PCLO: variants seen among roughly 807,000 people sequenced by gnomAD.
The protein encoded by PCLO is protein piccolo.
A neutral mutation model predicts 427.5 loss-of-function variants in PCLO; 82 were observed. The observed-to-expected ratio is 0.19, with a 90% confidence interval of 0.16 to 0.23. The LOEUF (loss-of-function observed/expected upper bound fraction) is 0.23, where lower values mean the gene tolerates loss of function less well. PCLO is among the 10% of genes least tolerant of loss of function. PCLO has a pLI of 1.00. For missense variants in PCLO, 6,239 were observed against 6,115.9 expected (o/e 1.02, Z -0.67); for synonymous variants, 2,357 against 2,155.4 (o/e 1.09, Z -2.59).
At chr7:83,087,436 G>A (rs1311815379) in intron 3 of PCLO, among the ~76,000 whole-genome samples, 5 of 151,254 alleles carry the variant, frequency 3.3e-5, no homozygotes, top group African/African-American at 9.7e-5. Context: ...AAAACCACTT[G>A]TACCCCAAAA....
intron 9 of PCLO, among the ~76,000 whole-genome samples, chr7:82,881,897 C>T (rs1180754170): frequency 6.6e-6 from 1 of 152,054 alleles, no homozygotes; most frequent in African/African-American, 2.4e-5. Flanking sequence ...TTTGCCTCAG[C>T]CTTCCAAAAG....
At chr7:83,010,240 C>T (rs993470640) in intron 3 of PCLO, among the ~76,000 whole-genome samples, 1 of 151,942 alleles carries the variant, frequency 6.6e-6, no homozygotes, top group Non-Finnish European at 1.5e-5. Flanking sequence ...ATAGCTTTGG[C>T]TCGAAATTCA....
chr7:82,835,593 T>C (rs1390303418), intron 16 of PCLO, 74 bp downstream of exon 16: 7 of 1,127,784 alleles, frequency 6.2e-6, no homozygotes, highest in Non-Finnish European at 6.6e-6. Context: ...TGCCAGTGAA[T>C]GTACATAAAA....
At chr7:82,838,412 A>G in intron 14 of PCLO, 70 bp from the exon 15 acceptor site, 1 of 902,542 alleles carries the variant, frequency 1.1e-6, no homozygotes, top group Non-Finnish European at 1.6e-6. Flanking sequence ...AATATTTACT[A>G]GTTTTTTTTA....
At position 83,008,852 on chromosome 7, in the gene PCLO, T is replaced by C. The variant is rs115643834; in HGVS notation, c.3301-42365A>G. Among the ~76,000 whole-genome samples, 731 of 151,720 alleles carry C rather than the reference T, an allele frequency of 4.8e-3. 5 individuals are homozygous for C. The highest frequency in any genetic ancestry group is 0.017 in the African/African-American group (704 of 41,488). On this transcript the variant is annotated intron_variant, in intron 3 of 24. Coordinates refer to ENST00000333891, the MANE Select transcript of PCLO (RefSeq NM_033026.6). ...GATATATATCATTATGTATGTATAATGATACATTATAAATATATATGTTTA... is the reference window on the plus strand; with the variant it reads ...GATATATATCATTATGTATGTATAACGATACATTATAAATATATATGTTTA...
chr7:82,992,958 T>C (rs1796411494), intron 3 of PCLO, among the ~76,000 whole-genome samples: 1 of 152,076 alleles, frequency 6.6e-6, no homozygotes, highest in Admixed American at 6.6e-5. Context: ...AATGATTAAA[T>C]ATATCTAAAG....
At chr7:82,895,609 A>C (rs2116150948) in intron 9 of PCLO, among the ~76,000 whole-genome samples, 1 of 152,108 alleles carries the variant, frequency 6.6e-6, no homozygotes, top group East Asian at 1.9e-4. Flanking sequence ...AAGACACTAT[A>C]ATAAAAATTA....
chr7:82,919,195 C>A (rs891170317), intron 6 of PCLO, among the ~76,000 whole-genome samples: 1 of 151,858 alleles, frequency 6.6e-6, no homozygotes, highest in African/African-American at 2.4e-5. Context: ...AAGTAACAAA[C>A]CTGCACATTC....
At chr7:83,112,251 T>G (rs1408919417) in intron 3 of PCLO, among the ~76,000 whole-genome samples, 1 of 151,978 alleles carries the variant, frequency 6.6e-6, no homozygotes, top group Non-Finnish European at 1.5e-5. Context: ...AGAGATAGGG[T>G]TTCTCCATGT....
intron 17 of PCLO, among the ~76,000 whole-genome samples, chr7:82,827,041 C>A (rs1791962590): frequency 6.6e-6 from 1 of 151,942 alleles, no homozygotes; most frequent in African/African-American, 2.4e-5. Context: ...AATGTTTCAG[C>A]AATTTCCAAA....
In PCLO at chr7:83,052,527, A is replaced by G. The variant is rs149649877; in HGVS notation, c.3300+81723T>C. Among the ~76,000 whole-genome samples, 401 of 152,138 alleles carry G rather than the reference A, an allele frequency of 2.6e-3. 2 individuals carry two copies. Among genetic ancestry groups the G allele is most frequent in the African/African-American group, 9.3e-3 (387 of 41,556 alleles). Reference sequence around the variant, plus strand: ...ATTGGATAATATTGATATTTATATGAGATAATGCTTATCATGTGTTGAGCA... The same window carrying G: ...ATTGGATAATATTGATATTTATATGGGATAATGCTTATCATGTGTTGAGCA... On this transcript the variant is annotated intron_variant, in intron 3 of 24. Coordinates refer to ENST00000333891, the MANE Select transcript of PCLO (RefSeq NM_033026.6).
At position 82,974,194 on chromosome 7, in the gene PCLO, C is replaced by G. The variant is rs138652085; in HGVS notation, c.3301-7707G>C. On this transcript the variant is annotated intron_variant, in intron 3 of 24. Transcript: ENST00000333891. ...TTGAGGTCAGGAGTTTGAGACCAGC[C>G]TGGCCAAAATGGTGAAACCCCATTT... 7.9e-5 allele frequency among the ~76,000 whole-genome samples: 12 copies of G among 152,188 alleles called. No individual in the cohort carries two copies. The East Asian group carries it at 2.3e-3, about 29-fold the overall frequency.
chr7:82,936,926 G>C (rs1794968887), intron 6 of PCLO, among the ~76,000 whole-genome samples: 1 of 151,648 alleles, frequency 6.6e-6, no homozygotes, highest in African/African-American at 2.4e-5. Flanking sequence ...GAATCCATTT[G>C]TATTTATCTA....
At chr7:82,768,473 T>C (rs992172243) in intron 22 of PCLO, among the ~76,000 whole-genome samples, 6 of 152,230 alleles carry the variant, frequency 3.9e-5, no homozygotes, top group African/African-American at 1.4e-4. Flanking sequence ...CTCAATATTT[T>C]AAATTTTGTC....
intron 2 of PCLO, among the ~76,000 whole-genome samples, chr7:83,148,666 T>C (rs1421227023): frequency 6.6e-6 from 1 of 152,178 alleles, no homozygotes; most frequent in Non-Finnish European, 1.5e-5. Context: ...TTCTTACATA[T>C]CTCTCAGGAA....
intron 2 of PCLO, among the ~76,000 whole-genome samples, chr7:83,149,385 C>A (rs188185247): frequency 5.3e-4 from 80 of 152,264 alleles, no homozygotes; most frequent in African/African-American, 1.9e-3. Context: ...CTTCAACATA[C>A]CAACTTATGT....
chr7:83,060,972 T>C (rs1200065254), intron 3 of PCLO, among the ~76,000 whole-genome samples: 1 of 152,204 alleles, frequency 6.6e-6, no homozygotes, highest in Non-Finnish European at 1.5e-5. Context: ...AAGGTTTTAA[T>C]TAATTTCCCA....
At chr7:82,760,481 G>A (rs1330063438) in intron 24 of PCLO, among the ~76,000 whole-genome samples, 158 bp downstream of exon 24, 1 of 151,850 alleles carries the variant, frequency 6.6e-6, no homozygotes, top group Non-Finnish European at 1.5e-5. Context: ...GTGGGCTGTG[G>A]AATTCTAAAA....
At chr7:82,896,372 A>C (rs1793904066) in intron 9 of PCLO, among the ~76,000 whole-genome samples, 1 of 151,914 alleles carries the variant, frequency 6.6e-6, no homozygotes, top group Non-Finnish European at 1.5e-5. Flanking sequence ...CTAAAAAACT[A>C]GTAAATGAGA....
Sources: gnomAD v4.1 joint callset for allele counts (sites outside exome capture counted in the v4.1 genomes callset) on GRCh38, gnomAD v4.1.1 for gene constraint, MANE v1.5 for transcripts, NCBI Gene and HGNC (gene_info 2026-07-23, HGNC 2026-07-21) for gene names.